RNGTT: variants seen among roughly 807,000 people sequenced by gnomAD.
The protein encoded by RNGTT is RNA guanylyltransferase and 5'-phosphatase, also known as mRNA-capping enzyme.
In RNGTT, 33 loss-of-function variants were observed where a neutral mutation model predicts 79.3. The ratio of observed to expected loss-of-function variants is 0.42; its 90% CI spans 0.32 to 0.56. The LOEUF is 0.56. Among genes scored for constraint, RNGTT ranks in the 20% least tolerant of loss-of-function variants. The pLI is 0.17. For synonymous variants in RNGTT, 222 were observed against 235.9 expected, an observed-to-expected ratio of 0.94 and a Z score of 0.54; for missense variants, 497 against 739.1, an observed-to-expected ratio of 0.67 and a Z score of 3.80.
intron 12 of RNGTT, among the ~76,000 whole-genome samples, chr6:88,795,417 G>A (rs545288120): frequency 3.3e-5 from 5 of 152,020 alleles, no homozygotes; most frequent in Non-Finnish European, 5.9e-5. Context: ...TTAATAACTC[G>A]AAGCACATAA....
At chr6:88,861,821 T>C (rs1782022689) in intron 8 of RNGTT, among the ~76,000 whole-genome samples, 1 of 152,180 alleles carries the variant, frequency 6.6e-6, no homozygotes, top group Non-Finnish European at 1.5e-5. Flanking sequence ...TTTAAATTAT[T>C]CAAAATAGTT....
At chr6:88,786,274 C>T (rs1779226676) in intron 12 of RNGTT, among the ~76,000 whole-genome samples, 1 of 151,962 alleles carries the variant, frequency 6.6e-6, no homozygotes, top group Non-Finnish European at 1.5e-5. Context: ...GTTATTTCCA[C>T]ATGTAAAACT....
chr6:88,916,420 C>T (rs1784001252), intron 4 of RNGTT, among the ~76,000 whole-genome samples: 2 of 152,148 alleles, frequency 1.3e-5, no homozygotes, highest in Admixed American at 1.3e-4. Flanking sequence ...GGGCTGTGAG[C>T]TGTGATGGCG....
chr6:88,672,183 G>C (rs1424536299), intron 14 of RNGTT, among the ~76,000 whole-genome samples: 1 of 150,426 alleles, frequency 6.6e-6, no homozygotes, highest in Admixed American at 6.7e-5. Flanking sequence ...AACCCACAGA[G>C]TAGGAGAAAA....
chr6:88,702,981 CA>C (rs1469326053), intron 13 of RNGTT, among the ~76,000 whole-genome samples: 2 of 152,014 alleles, frequency 1.3e-5, no homozygotes, highest in Non-Finnish European at 2.9e-5. Context: ...CAGGGAAATG[CA>C]AATCAAAACC....
At chr6:88,713,844 A>C (rs1340928676) in intron 13 of RNGTT, among the ~76,000 whole-genome samples, 1 of 152,204 alleles carries the variant, frequency 6.6e-6, no homozygotes, top group East Asian at 1.9e-4. Flanking sequence ...GAAAAATTAG[A>C]TATTTACAGA....
intron 13 of RNGTT, among the ~76,000 whole-genome samples, chr6:88,722,923 G>A (rs1776753604): frequency 6.6e-6 from 1 of 152,158 alleles, no homozygotes; most frequent in Non-Finnish European, 1.5e-5. Flanking sequence ...TGGGCTGCCA[G>A]CTGTACAAAA....
intron 13 of RNGTT, among the ~76,000 whole-genome samples, chr6:88,749,063 C>G (rs1777758731): frequency 1.3e-5 from 2 of 152,040 alleles, no homozygotes; most frequent in Non-Finnish European, 2.9e-5. Flanking sequence ...ATAAAACTGT[C>G]TATATGCTGA....
chr6:88,925,693 C>G (rs554230752), intron 4 of RNGTT, among the ~76,000 whole-genome samples: 3 of 152,092 alleles, frequency 2.0e-5, no homozygotes, highest in African/African-American at 7.2e-5. Flanking sequence ...TGCATAAAAG[C>G]CACCTAATAC....
intron 14 of RNGTT, among the ~76,000 whole-genome samples, chr6:88,659,659 A>T (rs1432499892): frequency 6.6e-6 from 1 of 152,168 alleles, no homozygotes; most frequent in African/African-American, 2.4e-5. Context: ...ATTATGTTAA[A>T]ATGACCAAAC....
chr6:88,667,333 T>C (rs978100027), intron 14 of RNGTT, among the ~76,000 whole-genome samples: 1 of 152,182 alleles, frequency 6.6e-6, no homozygotes, highest in African/African-American at 2.4e-5. Context: ...AGACCACCCA[T>C]CTAGGCCAAG....
intron 8 of RNGTT, among the ~76,000 whole-genome samples, chr6:88,855,801 C>G (rs966991816): frequency 1.3e-5 from 2 of 152,172 alleles, no homozygotes; most frequent in African/African-American, 4.8e-5. Flanking sequence ...TTCGCAAGAC[C>G]CTCTGGCACA....
chr6:88,717,922 GT>G (rs1371097555), intron 13 of RNGTT, among the ~76,000 whole-genome samples: 1 of 152,132 alleles, frequency 6.6e-6, no homozygotes, highest in Non-Finnish European at 1.5e-5. Flanking sequence ...AGAAGGCTGA[GT>G]GGGGGAGCCA....
chr6:88,813,022 A>G (rs1384553437), intron 11 of RNGTT, among the ~76,000 whole-genome samples: 1 of 152,202 alleles, frequency 6.6e-6, no homozygotes, highest in Non-Finnish European at 1.5e-5. Context: ...AACACTTTAC[A>G]TATTTTAACT....
intron 10 of RNGTT, among the ~76,000 whole-genome samples, chr6:88,846,561 A>G (rs1781489857): frequency 6.6e-6 from 1 of 152,144 alleles, no homozygotes; most frequent in African/African-American, 2.4e-5. Flanking sequence ...CAGCGTAGCC[A>G]TCATGGCAAA....
At chr6:88,788,057 A>T (rs559058790) in intron 12 of RNGTT, among the ~76,000 whole-genome samples, 1 of 152,236 alleles carries the variant, frequency 6.6e-6, no homozygotes. Context: ...CAGAAAAATC[A>T]TAAGTCAAAC....
intron 8 of RNGTT, among the ~76,000 whole-genome samples, chr6:88,870,348 C>A (rs1341716094): frequency 1.3e-5 from 2 of 151,958 alleles, no homozygotes; most frequent in Non-Finnish European, 2.9e-5. Flanking sequence ...CAAAATATAT[C>A]ATTAGGGCAC....
intron 8 of RNGTT, among the ~76,000 whole-genome samples, chr6:88,874,461 TCA>T (rs1376832808): frequency 6.6e-6 from 1 of 152,188 alleles, no homozygotes; most frequent in Non-Finnish European, 1.5e-5. Context: ...CTGATTACTT[TCA>T]GTTTTCTTTT....
chr6:88,847,083 T>G (rs916038490), intron 10 of RNGTT, among the ~76,000 whole-genome samples: 4 of 152,220 alleles, frequency 2.6e-5, no homozygotes, highest in Non-Finnish European at 5.9e-5. Flanking sequence ...TTTTTAAAAA[T>G]GTGTATACAT....
Sources: allele counts gnomAD v4.1 joint callset (sites outside exome capture counted in the v4.1 genomes callset), GRCh38; gene constraint gnomAD v4.1.1; transcripts MANE v1.5; gene names NCBI Gene and HGNC (gene_info 2026-07-23, HGNC 2026-07-21).